The following KCNK9 variants were observed in gnomAD, a reference collection of about 807,000 sequenced individuals.
KCNK9 encodes potassium channel subfamily K member 9.
A neutral mutation model predicts 10.8 loss-of-function variants in KCNK9; 1 was observed. The ratio of observed to expected loss-of-function variants is 0.09; its 90% CI spans 0.03 to 0.44. KCNK9 has a LOEUF of 0.44. Ranked by LOEUF, KCNK9 falls within the 20% of genes least tolerant of loss-of-function variation. The probability of loss-of-function intolerance (pLI) is 0.97; values close to 1 mark genes in which losing one functional copy is unlikely to be tolerated. For synonymous variants in KCNK9, 231 were observed against 222.7 expected (o/e 1.04, Z -0.33); for missense variants, 303 against 515.0 (o/e 0.59, Z 3.98).
chr8:139,684,207 G>A (rs1167251213), intron 1 of KCNK9, among the ~76,000 whole-genome samples: 2 of 152,158 alleles, frequency 1.3e-5, no homozygotes, highest in East Asian at 3.8e-4. Flanking sequence ...CCTCTTTGGT[G>A]TTCCTCACAC....
chr8:139,703,050 G>T lies in KCNK9; in HGVS notation c.-58C>A. 3 of 1,507,926 alleles carry T rather than the reference G, an allele frequency of 2.0e-6. 1 individual carries two copies. The highest frequency in any genetic ancestry group is 2.5e-5 in the South Asian group (2 of 80,904). The allele number at this position is 1,507,926 out of a possible 1,614,324, so 93.4% of individuals were successfully genotyped here. ...GTCCCGCAGGCTCACAGCCGCGCGCGTCCCACTGCAGCGCCCGGCGGCCGC... is the reference window on the plus strand; with the variant it reads ...GTCCCGCAGGCTCACAGCCGCGCGCTTCCCACTGCAGCGCCCGGCGGCCGC... On this transcript the variant is annotated 5_prime_UTR_variant, in exon 1 of 2. Transcript: ENST00000520439. The surrounding 1 kb of genome is among the most constrained non-coding windows in gnomAD (Gnocchi z 6.4).
At chr8:139,653,484 ACTCC>A (rs1482896487) in intron 1 of KCNK9, among the ~76,000 whole-genome samples, 1 of 150,986 alleles carries the variant, frequency 6.6e-6, no homozygotes, top group Non-Finnish European at 1.5e-5. Flanking sequence ...TGCACTCAGG[ACTCC>A]CCCAACAGAG....
chr8:139,674,618 C>G (rs941766490), intron 1 of KCNK9, among the ~76,000 whole-genome samples: 2 of 152,216 alleles, frequency 1.3e-5, no homozygotes, highest in Non-Finnish European at 2.9e-5. Context: ...CCTCAGGACC[C>G]CAGCCCCCAG....
intron 1 of KCNK9, among the ~76,000 whole-genome samples, chr8:139,651,002 T>G (rs1360422808): frequency 3.9e-5 from 6 of 152,158 alleles, no homozygotes; most frequent in Non-Finnish European, 8.8e-5. Flanking sequence ...TCGAGGTGGA[T>G]GCAGAAGAGT....
At chr8:139,654,842 C>T (rs980046084) in intron 1 of KCNK9, among the ~76,000 whole-genome samples, 15 of 152,122 alleles carry the variant, frequency 9.9e-5, no homozygotes, top group Non-Finnish European at 7.4e-5. Context: ...TGCAGTGGGC[C>T]GCTGGGGCCA....
chr8:139,626,260 CAGACTT>C lies in KCNK9; in HGVS notation c.284-7167_284-7162del, dbSNP rs973388087. Among the ~76,000 whole-genome samples, 44 of 152,206 alleles carry C rather than the reference CAGACTT, an allele frequency of 2.9e-4. 1 individual carries two copies. The highest frequency in any genetic ancestry group is 2.9e-3 in the Admixed American group (44 of 15,284). On this transcript the variant is annotated intron_variant, in intron 1 of 1. Coordinates refer to ENST00000520439, the MANE Select transcript of KCNK9 (RefSeq NM_001282534.2). ...CACACCTGACCATGAGTGACCTTCA[CAGACTT>C]AAAGGGTAAAACCTCTGCCCTCCAC...
intron 1 of KCNK9, among the ~76,000 whole-genome samples, chr8:139,676,352 C>G (rs1816550458): frequency 6.6e-6 from 1 of 152,256 alleles, no homozygotes; most frequent in African/African-American, 2.4e-5. Flanking sequence ...TACTTGTTGT[C>G]TCCTGCTCTG....
downstream of KCNK9, among the ~76,000 whole-genome samples, chr8:139,607,646 G>A (rs1563710113): frequency 6.6e-6 from 1 of 152,220 alleles, no homozygotes; most frequent in Non-Finnish European, 1.5e-5. Flanking sequence ...GGGCTCTGTA[G>A]GGGCCGAGTC....
At chr8:139,670,407 T>G (rs1420199018) in intron 1 of KCNK9, among the ~76,000 whole-genome samples, 1 of 152,068 alleles carries the variant, frequency 6.6e-6, no homozygotes, top group African/African-American at 2.4e-5. Flanking sequence ...CCACAAACCC[T>G]CAATTTGTTA....
chr8:139,658,534 C>T (rs893356475), intron 1 of KCNK9, among the ~76,000 whole-genome samples: 2 of 152,210 alleles, frequency 1.3e-5, no homozygotes, highest in African/African-American at 2.4e-5. Context: ...TCCGCAGCTC[C>T]CCCTCAATCC....
chr8:139,632,371 T>C (rs374762076), intron 1 of KCNK9, among the ~76,000 whole-genome samples: 4 of 152,128 alleles, frequency 2.6e-5, no homozygotes, highest in East Asian at 1.9e-4. Context: ...CACGCTGGAG[T>C]CTGATGGCAG....
intron 1 of KCNK9, among the ~76,000 whole-genome samples, chr8:139,672,021 T>C (rs1176638087): frequency 6.6e-6 from 1 of 152,194 alleles, no homozygotes; most frequent in African/African-American, 2.4e-5. Flanking sequence ...TGATGCAGCA[T>C]CGGCTTGAGG....
intron 1 of KCNK9, among the ~76,000 whole-genome samples, chr8:139,638,177 C>G (rs1815395776): frequency 6.6e-6 from 1 of 151,982 alleles, no homozygotes; most frequent in Admixed American, 6.6e-5. Flanking sequence ...TCCTTCAAAA[C>G]TCAACCCAAA....
intron 1 of KCNK9, among the ~76,000 whole-genome samples, chr8:139,657,839 G>A (rs1004844134): frequency 1.3e-5 from 2 of 152,174 alleles, no homozygotes; most frequent in African/African-American, 4.8e-5. Flanking sequence ...GCCTCTCCAG[G>A]ACTCGCCTCT....
At chr8:139,604,152 C>T (rs1186647323) in intron 2 of KCNK9, among the ~76,000 whole-genome samples, 4 of 152,226 alleles carry the variant, frequency 2.6e-5, no homozygotes, top group Non-Finnish European at 5.9e-5. Context: ...AGGGCGCAGA[C>T]TCTGATTTCT....
chr8:139,632,129 A>T (rs976818256), intron 1 of KCNK9, among the ~76,000 whole-genome samples: 2 of 152,140 alleles, frequency 1.3e-5, no homozygotes, highest in African/African-American at 4.8e-5. Context: ...TAATAATGGG[A>T]TCACCTGGGA....
intron 1 of KCNK9, among the ~76,000 whole-genome samples, chr8:139,667,284 C>T (rs537352129): frequency 1.3e-5 from 2 of 152,358 alleles, no homozygotes; most frequent in Non-Finnish European, 2.9e-5. Context: ...CCCTAAAGGC[C>T]TCTTCCATCA....
chr8:139,657,146 CT>C (rs937673307), intron 1 of KCNK9, among the ~76,000 whole-genome samples: 1 of 152,220 alleles, frequency 6.6e-6, no homozygotes, highest in African/African-American at 2.4e-5. Flanking sequence ...CCACTTGTCT[CT>C]CTTGGGGAAG....
intron 1 of KCNK9, among the ~76,000 whole-genome samples, chr8:139,622,488 G>A (rs1323152408): frequency 1.3e-5 from 2 of 152,146 alleles, no homozygotes; most frequent in Non-Finnish European, 2.9e-5. Flanking sequence ...GAAGAGGAGG[G>A]CGACTTCGGC....
Sources: allele counts gnomAD v4.1 joint callset (sites outside exome capture counted in the v4.1 genomes callset), GRCh38; gene constraint gnomAD v4.1.1; non-coding constraint Gnocchi (gnomAD v3.1); transcripts MANE v1.5; gene names NCBI Gene and HGNC (gene_info 2026-07-23, HGNC 2026-07-21).